PHACTR1: variants seen among roughly 807,000 people sequenced by gnomAD.
PHACTR1 encodes the protein phosphatase and actin regulator 1, also known as RPEL repeat containing 1.
In PHACTR1, 16 loss-of-function variants were observed where a neutral mutation model predicts 69.2. The ratio of observed to expected loss-of-function variants is 0.23; its 90% CI spans 0.16 to 0.35. The LOEUF (loss-of-function observed/expected upper bound fraction) is 0.35, where lower values mean the gene tolerates loss of function less well. Among genes scored for constraint, PHACTR1 ranks in the 10% least tolerant of loss-of-function variants. The probability of loss-of-function intolerance (pLI) is 1.00; values close to 1 mark genes in which losing one functional copy is unlikely to be tolerated. For synonymous variants in PHACTR1, 312 were observed against 284.5 expected (o/e 1.10, Z -0.97); for missense variants, 510 against 734.7 (o/e 0.69, Z 3.54).
chr6:12,797,040 T>TGTGTGAGAGAGA (rs563796658), intron 4 of PHACTR1, among the ~76,000 whole-genome samples: 2 of 133,320 alleles, frequency 1.5e-5, no homozygotes, highest in African/African-American at 5.6e-5. Context: ...TGTGTGTGTG[T>TGTGTGAGAGAGA]GAGAGAGAGA....
chr6:13,206,255 T>C, intron 8 of PHACTR1, 119 bp downstream of exon 8: 1 of 1,105,494 alleles, frequency 9.0e-7, no homozygotes, highest in Non-Finnish European at 1.3e-6. Context: ...TGGGGGAAAA[T>C]GTTTGAAAGT....
At chr6:13,182,966 A>G (rs1369343512) in intron 7 of PHACTR1, among the ~76,000 whole-genome samples, 2 of 152,164 alleles carry the variant, frequency 1.3e-5, no homozygotes, top group South Asian at 2.1e-4. Flanking sequence ...GATTTAAAAT[A>G]TTATTATTTT....
At chr6:13,033,082 C>G (rs1299660127) in intron 4 of PHACTR1, among the ~76,000 whole-genome samples, 3 of 152,148 alleles carry the variant, frequency 2.0e-5, no homozygotes, top group Non-Finnish European at 4.4e-5. Flanking sequence ...TTCCAGAGTG[C>G]TAAGGCATTC....
chr6:12,809,470 C>T (rs1440227748), intron 4 of PHACTR1, among the ~76,000 whole-genome samples: 1 of 152,170 alleles, frequency 6.6e-6, no homozygotes, highest in East Asian at 1.9e-4. Flanking sequence ...AGCCACTATC[C>T]ATTTATCCAA....
At chr6:13,258,200 A>C (rs1056172389) in intron 10 of PHACTR1, among the ~76,000 whole-genome samples, 19 of 152,102 alleles carry the variant, frequency 1.2e-4, no homozygotes, top group African/African-American at 4.6e-4. Flanking sequence ...TCTACTAAAA[A>C]TACAAAAATT....
chr6:12,941,489 G>A (rs1288462637), intron 4 of PHACTR1, among the ~76,000 whole-genome samples: 1 of 151,964 alleles, frequency 6.6e-6, no homozygotes, highest in East Asian at 1.9e-4. Flanking sequence ...GAGGTGGAGG[G>A]GCCTCATCAC....
intron 4 of PHACTR1, among the ~76,000 whole-genome samples, chr6:13,002,199 C>A (rs1582908071): frequency 6.6e-6 from 1 of 152,188 alleles, no homozygotes. Flanking sequence ...CAGCAAACAA[C>A]ACTCTGTCTC....
At chr6:12,742,088 A>AT (rs1361603692) in intron 3 of PHACTR1, among the ~76,000 whole-genome samples, 3 of 147,464 alleles carry the variant, frequency 2.0e-5, no homozygotes, top group East Asian at 1.9e-4. Context: ...TTTGGGGGGG[A>AT]TTTTTTGTCT....
At chr6:13,041,511 G>T (rs774290251) in intron 4 of PHACTR1, among the ~76,000 whole-genome samples, 1 of 152,080 alleles carries the variant, frequency 6.6e-6, no homozygotes, top group Non-Finnish European at 1.5e-5. Context: ...GAGGTAATGG[G>T]AGCTACATAA....
chr6:12,814,483 A>G (rs183208239), intron 4 of PHACTR1, among the ~76,000 whole-genome samples: 1 of 152,326 alleles, frequency 6.6e-6, no homozygotes. Context: ...TGGAAAGCGC[A>G]CTGAATTGGG....
intron 4 of PHACTR1, among the ~76,000 whole-genome samples, chr6:12,897,698 T>TTTATTATTATCA (rs1784802843): frequency 6.7e-6 from 1 of 148,832 alleles, no homozygotes; most frequent in Non-Finnish European, 1.5e-5. Context: ...TTTGTAATCT[T>TTTATTATTATCA]TTATTATTAT....
intron 5 of PHACTR1, among the ~76,000 whole-genome samples, chr6:13,129,009 A>G (rs1819977997): frequency 6.6e-6 from 1 of 152,192 alleles, no homozygotes; most frequent in Admixed American, 6.5e-5. Context: ...CACCCTCCTG[A>G]AATAAAATAA....
At chr6:13,031,689 A>G (rs1395926959) in intron 4 of PHACTR1, among the ~76,000 whole-genome samples, 1 of 152,226 alleles carries the variant, frequency 6.6e-6, no homozygotes, top group Non-Finnish European at 1.5e-5. Flanking sequence ...CATTGGCTAT[A>G]TTCCCTGAAA....
At chr6:12,818,264 A>G (rs182320455) in intron 4 of PHACTR1, among the ~76,000 whole-genome samples, 4 of 152,266 alleles carry the variant, frequency 2.6e-5, no homozygotes, top group Admixed American at 6.5e-5. Context: ...CCAGTCTAGG[A>G]CAGTCCTTTT....
intron 4 of PHACTR1, among the ~76,000 whole-genome samples, chr6:13,032,442 G>A (rs1435192149): frequency 6.6e-6 from 1 of 152,156 alleles, no homozygotes; most frequent in Non-Finnish European, 1.5e-5. Context: ...TAGTCCTTGT[G>A]AGGGCTCATG....
chr6:12,732,036 A>G (rs1274246283), intron 3 of PHACTR1, among the ~76,000 whole-genome samples: 1 of 150,028 alleles, frequency 6.7e-6, no homozygotes, highest in East Asian at 2.0e-4. Context: ...TCTGACCCTT[A>G]TACTGAGTTG....
At chr6:12,875,280 G>A (rs903069443) in intron 4 of PHACTR1, among the ~76,000 whole-genome samples, 2 of 152,178 alleles carry the variant, frequency 1.3e-5, no homozygotes, top group Admixed American at 1.3e-4. Context: ...ACTCCACAGG[G>A]TTCTTCGTGC....
chr6:12,918,896 CAGGA>C (rs1385017661), intron 4 of PHACTR1, among the ~76,000 whole-genome samples: 5 of 152,164 alleles, frequency 3.3e-5, no homozygotes, highest in African/African-American at 1.2e-4. Flanking sequence ...AGTGGTAGTC[CAGGA>C]ACAAGAAAAA....
chr6:12,921,780 C>CAGGGAAGGAAGAAGGAAGGGAGAGAA (rs1787724877), intron 4 of PHACTR1, among the ~76,000 whole-genome samples: 1 of 83,558 alleles, frequency 1.2e-5, no homozygotes, highest in African/African-American at 4.8e-5. Context: ...GGGAGAGAAA[C>CAGGGAAGGAAGAAGGAAGGGAGAGAA]AGGGAGGGAG....
Sources: gnomAD v4.1 joint callset for allele counts (sites outside exome capture counted in the v4.1 genomes callset) on GRCh38, gnomAD v4.1.1 for gene constraint, MANE v1.5 for transcripts, NCBI Gene and HGNC (gene_info 2026-07-23, HGNC 2026-07-21) for gene names.